The following TCERG1L variants were observed in gnomAD, a reference collection of about 807,000 sequenced individuals.
TCERG1L encodes transcription elongation regulator 1-like protein.
Under a neutral mutation model 56.3 loss-of-function variants are expected in TCERG1L, and 37 were observed. The ratio of observed to expected loss-of-function variants is 0.66; its 90% CI spans 0.51 to 0.87. The LOEUF is 0.87. Ranked by LOEUF, TCERG1L falls within the 40% of genes least tolerant of loss-of-function variation. The pLI is 0.00. For synonymous variants in TCERG1L, 324 were observed against 326.3 expected (o/e 0.99, Z 0.08); for missense variants, 799 against 774.2 (o/e 1.03, Z -0.38).
At chr10:131,272,468 C>A (rs1444155618) in intron 3 of TCERG1L, among the ~76,000 whole-genome samples, 2 of 152,214 alleles carry the variant, frequency 1.3e-5, no homozygotes, top group African/African-American at 2.4e-5. Flanking sequence ...ATGGTCCAAG[C>A]TCCACGGGCC....
chr10:131,101,749 G>T (rs1206567895), intron 10 of TCERG1L, among the ~76,000 whole-genome samples: 2 of 151,926 alleles, frequency 1.3e-5, no homozygotes, highest in Non-Finnish European at 2.9e-5. Flanking sequence ...TGCCCAGGCT[G>T]GAGTGCAGTG....
chr10:131,169,652 C>A (rs775638980), intron 4 of TCERG1L, among the ~76,000 whole-genome samples: 1 of 152,118 alleles, frequency 6.6e-6, no homozygotes, highest in East Asian at 1.9e-4. Context: ...GGGTCGTGCA[C>A]GGAAAGCTGA....
chr10:131,297,230 TTTAA>T (rs1223448841), intron 3 of TCERG1L, among the ~76,000 whole-genome samples: 6 of 152,246 alleles, frequency 3.9e-5, no homozygotes, highest in Non-Finnish European at 8.8e-5. Flanking sequence ...GGAAGTCCCC[TTTAA>T]TTCTTAGTTG....
At chr10:131,186,827 C>T (rs1297004287) in intron 4 of TCERG1L, among the ~76,000 whole-genome samples, 3 of 152,200 alleles carry the variant, frequency 2.0e-5, no homozygotes, top group Non-Finnish European at 4.4e-5. Flanking sequence ...TGTTTTTTCT[C>T]ATCGGCTGGT....
intron 9 of TCERG1L, among the ~76,000 whole-genome samples, chr10:131,106,224 T>A (rs1845350514): frequency 6.6e-6 from 1 of 152,180 alleles, no homozygotes; most frequent in Non-Finnish European, 1.5e-5. Flanking sequence ...AAGCTGGGTG[T>A]TGAGGATCTT....
chr10:131,286,680 G>A (rs919384982), intron 3 of TCERG1L, among the ~76,000 whole-genome samples: 4 of 152,126 alleles, frequency 2.6e-5, no homozygotes, highest in African/African-American at 9.7e-5. Context: ...ATTCTCATAA[G>A]ATCAAAGAAA....
intron 3 of TCERG1L, among the ~76,000 whole-genome samples, chr10:131,278,462 C>T (rs1445704291): frequency 1.3e-5 from 2 of 151,836 alleles, no homozygotes; most frequent in African/African-American, 4.8e-5. Flanking sequence ...CTCCGCCTCC[C>T]AAGTAGCTGG....
intron 8 of TCERG1L, among the ~76,000 whole-genome samples, chr10:131,119,186 G>A (rs993507033): frequency 6.6e-6 from 1 of 152,158 alleles, no homozygotes. Context: ...AAGGTCCTGG[G>A]AAATTCATTA....
Position 131,290,157 on chromosome 10 carries a change from GGTGT to G in TCERG1L, c.670+18050_670+18053del, listed in dbSNP as rs10578441. 4.1e-4 allele frequency among the ~76,000 whole-genome samples: 17 copies of G among 41,350 alleles called. 4 individuals carry two copies. The East Asian group carries it at 0.016, about 39-fold the overall frequency. 27.1% of individuals were successfully genotyped at this position (41,350 alleles called of 152,430 possible). On this transcript the variant is annotated intron_variant, in intron 3 of 11. Transcript: ENST00000368642. ...GTGTGCACTGCCTCCATCTCCTATC[GGTGT>G]GTGTGTGTGTATGTGTGCACTGCTG...
chr10:131,249,413 C>T (rs1403814389), intron 4 of TCERG1L, among the ~76,000 whole-genome samples: 1 of 152,060 alleles, frequency 6.6e-6, no homozygotes, highest in Non-Finnish European at 1.5e-5. Context: ...ACAATGGCTC[C>T]ACCCGGCTAC....
chr10:131,278,196 C>T (rs923860224), intron 3 of TCERG1L, among the ~76,000 whole-genome samples: 1 of 152,038 alleles, frequency 6.6e-6, no homozygotes, highest in African/African-American at 2.4e-5. Flanking sequence ...TGACCCCGGC[C>T]GAGTCGCATC....
At chr10:131,230,841 G>A (rs1845842223) in intron 4 of TCERG1L, among the ~76,000 whole-genome samples, 1 of 152,232 alleles carries the variant, frequency 6.6e-6, no homozygotes, top group Non-Finnish European at 1.5e-5. Context: ...AGGCGGCTCT[G>A]GACAGATGTG....
At chr10:131,177,312 C>T (rs574250228) in intron 4 of TCERG1L, among the ~76,000 whole-genome samples, 8 of 152,362 alleles carry the variant, frequency 5.3e-5, no homozygotes, top group Non-Finnish European at 7.3e-5. Context: ...GATGGCTTTT[C>T]GGCCACCTGT....
At chr10:131,209,048 ACT>A (rs1160558602) in intron 4 of TCERG1L, among the ~76,000 whole-genome samples, 1 of 95,332 alleles carries the variant, frequency 1.0e-5, no homozygotes, top group Non-Finnish European at 2.2e-5. Context: ...ACAGAGCGAG[ACT>A]CTGTCTCAAA....
At chr10:131,151,809 G>C (rs569917126) in intron 6 of TCERG1L, among the ~76,000 whole-genome samples, 1 of 152,188 alleles carries the variant, frequency 6.6e-6, no homozygotes, top group Admixed American at 6.5e-5. Context: ...GGACATCCAG[G>C]CATTTCCATA....
At chr10:131,276,003 G>C (rs554910360) in intron 3 of TCERG1L, among the ~76,000 whole-genome samples, 32 of 152,290 alleles carry the variant, frequency 2.1e-4, no homozygotes, top group Middle Eastern at 3.4e-3. Flanking sequence ...CACACACACA[G>C]AAACTCCTCA....
In TCERG1L at chr10:131,094,755, A is replaced by T. The variant is rs142759185; in HGVS notation, c.1605-1437T>A. ...TCCTTCCCCCTTCCTTCCTTTACTG[A>T]TGTAACCACCTTGGTGTACCTTGGC... On this transcript the variant is annotated intron_variant, in intron 11 of 11. Coordinates refer to ENST00000368642, the MANE Select transcript of TCERG1L (RefSeq NM_174937.4). Among the ~76,000 whole-genome samples, 4 of 149,344 alleles carry T rather than the reference A, an allele frequency of 2.7e-5. No individual in the cohort carries two copies. In the East Asian group the frequency reaches 8.0e-4, roughly 30 times the overall value.
At chr10:131,257,494 G>A (rs1244812549) in intron 4 of TCERG1L, among the ~76,000 whole-genome samples, 4 of 152,196 alleles carry the variant, frequency 2.6e-5, no homozygotes, top group South Asian at 4.1e-4. Context: ...CACAGAGCCC[G>A]CTCCTTCAGG....
intron 4 of TCERG1L, among the ~76,000 whole-genome samples, chr10:131,172,016 AAGTC>A (rs1003775882): frequency 3.3e-5 from 5 of 152,366 alleles, no homozygotes; most frequent in African/African-American, 4.8e-5. Flanking sequence ...GTAATTCTGA[AAGTC>A]AGTCCAATTT....
Sources: gnomAD v4.1 joint callset for allele counts (sites outside exome capture counted in the v4.1 genomes callset) on GRCh38, gnomAD v4.1.1 for gene constraint, MANE v1.5 for transcripts, NCBI Gene and HGNC (gene_info 2026-07-23, HGNC 2026-07-21) for gene names.